The following C8orf89 variants were observed in gnomAD, a reference collection of about 807,000 sequenced individuals.
C8orf89 encodes chromosome 8 open reading frame 89, also known as putative uncharacterized protein C8orf89.
A neutral mutation model predicts 15.8 loss-of-function variants in C8orf89; 14 were observed. The observed-to-expected ratio is 0.89, with a 90% CI of 0.59 to 1.39. The LOEUF is 1.39. Ranked by LOEUF, C8orf89 falls within the 40% of genes most tolerant of loss-of-function variation. The probability of loss-of-function intolerance (pLI) is 0.00; values close to 1 mark genes in which losing one functional copy is unlikely to be tolerated. For missense variants in C8orf89, 181 were observed against 184.5 expected, an observed-to-expected ratio of 0.98 and a Z score of 0.11; for synonymous variants, 55 against 62.2, an observed-to-expected ratio of 0.88 and a Z score of 0.54.
the C8orf89 span, chr8:73,278,110 C>G: frequency 3.0e-6 from 1 of 328,882 alleles, no homozygotes; most frequent in Non-Finnish European, 5.8e-6. Context: ...GGTTCTGGCC[C>G]AGCCCTACTC....
chr8:73,285,922 G>A, the C8orf89 span, among the ~76,000 whole-genome samples: 217 of 152,278 alleles, frequency 1.4e-3, no homozygotes, highest in African/African-American at 5.0e-3. Flanking sequence ...GTCTCCCGAG[G>A]CTGCAGCGCT....
At chr8:73,268,885 C>T in the C8orf89 span, among the ~76,000 whole-genome samples, 9 of 152,224 alleles carry the variant, frequency 5.9e-5, 1 homozygote, top group African/African-American at 2.2e-4. Flanking sequence ...GCATACTCCA[C>T]AATTGAAAAA....
chr8:73,276,998 A>G, the C8orf89 span, among the ~76,000 whole-genome samples: 2 of 151,502 alleles, frequency 1.3e-5, no homozygotes, highest in Admixed American at 1.3e-4. Context: ...GTAGAGACAG[A>G]GTTTTGTCAT....
the C8orf89 span, among the ~76,000 whole-genome samples, chr8:73,272,073 G>A: frequency 6.6e-6 from 1 of 152,110 alleles, no homozygotes; most frequent in Non-Finnish European, 1.5e-5. Flanking sequence ...TCGACTAATG[G>A]CTGGGGTAGG....
At chr8:73,274,993 A>G in the C8orf89 span, among the ~76,000 whole-genome samples, 1 of 152,206 alleles carries the variant, frequency 6.6e-6, no homozygotes, top group South Asian at 2.1e-4. Context: ...AATATTACAA[A>G]CAATATGACA....
chr8:73,273,480 C>T, the C8orf89 span, among the ~76,000 whole-genome samples: 1 of 152,250 alleles, frequency 6.6e-6, no homozygotes, highest in Non-Finnish European at 1.5e-5. Context: ...CCTTGGCCCT[C>T]TCCAGACTGT....
the C8orf89 span, among the ~76,000 whole-genome samples, chr8:73,264,900 G>C: frequency 2.6e-5 from 4 of 152,272 alleles, no homozygotes; most frequent in East Asian, 7.7e-4. Flanking sequence ...GAGTGCAAAG[G>C]CTATAAAACC....
the C8orf89 span, among the ~76,000 whole-genome samples, chr8:73,270,534 A>G: frequency 6.6e-6 from 1 of 152,218 alleles, no homozygotes; most frequent in African/African-American, 2.4e-5. Context: ...ACTTTTATCA[A>G]ATTATCTTTC....
intron 2 of C8orf89, among the ~76,000 whole-genome samples, chr8:73,256,138 A>G (rs1354968536): frequency 7.0e-6 from 1 of 143,284 alleles, no homozygotes; most frequent in Non-Finnish European, 1.5e-5. Context: ...ACAAATAATA[A>G]TAATAATAAT....
the C8orf89 span, among the ~76,000 whole-genome samples, chr8:73,275,810 A>T: frequency 6.6e-6 from 1 of 152,134 alleles, no homozygotes; most frequent in Non-Finnish European, 1.5e-5. Flanking sequence ...TTAGTTTATC[A>T]GAAACTTTAA....
intron 3 of C8orf89, among the ~76,000 whole-genome samples, chr8:73,249,161 T>C (rs1452404681): frequency 6.6e-6 from 1 of 152,232 alleles, no homozygotes; most frequent in African/African-American, 2.4e-5. Flanking sequence ...AAGTCTTTTC[T>C]GCATCTGTTG....
Position 73,259,327 on chromosome 8 carries a change from G to GTTA in C8orf89, c.127+2_127+4dup. 6.8e-7 allele frequency: 1 copy of GTTA among 1,475,768 alleles called. No homozygotes were observed. The highest frequency in any genetic ancestry group is 9.1e-7 in the Non-Finnish European group (1 of 1,102,762). The allele number at this position is 1,475,768 out of a possible 1,614,324, so 91.4% of individuals were successfully genotyped here. ...TCTTAAGGAAAATAATAACAATAAA[G>GTTA]TTACCTTTCTTAATCTTTTGTGTTT... On this transcript the variant is annotated splice_donor_region_variant and intron_variant, in intron 1 of 3. Transcript: ENST00000624510.
the C8orf89 span, among the ~76,000 whole-genome samples, chr8:73,280,724 T>C: frequency 6.6e-6 from 1 of 150,736 alleles, no homozygotes; most frequent in Non-Finnish European, 1.5e-5. Context: ...TATACACATA[T>C]ATATACACAT....
the C8orf89 span, among the ~76,000 whole-genome samples, chr8:73,275,908 A>T: frequency 6.6e-6 from 1 of 152,160 alleles, no homozygotes; most frequent in African/African-American, 2.4e-5. Context: ...AGATAAAGCC[A>T]AGATCCCCTA....
chr8:73,254,064 T>C (rs1157822634), intron 2 of C8orf89, among the ~76,000 whole-genome samples: 5 of 152,190 alleles, frequency 3.3e-5, no homozygotes, highest in African/African-American at 9.7e-5. Flanking sequence ...ATATTGGCTG[T>C]GGGTTTGTCA....
chr8:73,247,855 C>G (rs1813160871), intron 3 of C8orf89, among the ~76,000 whole-genome samples: 1 of 152,046 alleles, frequency 6.6e-6, no homozygotes, highest in African/African-American at 2.4e-5. Flanking sequence ...TTGTCAGATG[C>G]AGAGTTTGCA....
intron 3 of C8orf89, among the ~76,000 whole-genome samples, chr8:73,244,486 A>G (rs1368616273): frequency 1.3e-5 from 2 of 152,234 alleles, no homozygotes; most frequent in African/African-American, 4.8e-5. Context: ...TATATACAAT[A>G]TACAAATATG....
chr8:73,272,149 T>C, the C8orf89 span, among the ~76,000 whole-genome samples: 1 of 152,140 alleles, frequency 6.6e-6, no homozygotes, highest in Non-Finnish European at 1.5e-5. Flanking sequence ...AACTTAGATC[T>C]CCACCTTTTC....
At chr8:73,261,813 G>A (rs1346671847), upstream of C8orf89, among the ~76,000 whole-genome samples, 1 of 152,124 alleles carries the variant, frequency 6.6e-6, no homozygotes, top group African/African-American at 2.4e-5. Flanking sequence ...TGGTTCCAAA[G>A]GCCTGTTTTG....
Sources: allele counts gnomAD v4.1 joint callset (sites outside exome capture counted in the v4.1 genomes callset), GRCh38; gene constraint gnomAD v4.1.1; transcripts MANE v1.5; gene names NCBI Gene and HGNC (gene_info 2026-07-23, HGNC 2026-07-21).